The following GPC5 variants were observed in gnomAD, a reference collection of about 807,000 sequenced individuals.
GPC5 encodes glypican-5.
A neutral mutation model predicts 53.9 loss-of-function variants in GPC5; 47 were observed. The observed-to-expected ratio is 0.87, with a 90% CI of 0.69 to 1.11. GPC5 has a LOEUF of 1.11. Ranked by LOEUF, GPC5 falls within the 50% of genes most tolerant of loss-of-function variation. GPC5 has a pLI of 0.00. For synonymous variants in GPC5, 286 were observed against 263.3 expected, an observed-to-expected ratio of 1.09 and a Z score of -0.84; for missense variants, 748 against 713.1, an observed-to-expected ratio of 1.05 and a Z score of -0.56.
chr13:91,899,722 C>T (rs760316260), intron 5 of GPC5, among the ~76,000 whole-genome samples: 14 of 152,044 alleles, frequency 9.2e-5, no homozygotes, highest in East Asian at 1.9e-4. Flanking sequence ...AAGACACACA[C>T]GGAGAAGGTC....
chr13:91,768,661 A>G (rs1343178450), intron 5 of GPC5, among the ~76,000 whole-genome samples: 1 of 152,222 alleles, frequency 6.6e-6, no homozygotes. Context: ...AGACCTTTTT[A>G]GTTATATTAG....
intron 7 of GPC5, among the ~76,000 whole-genome samples, chr13:92,210,668 A>C (rs1441403158): frequency 6.6e-6 from 1 of 152,214 alleles, no homozygotes; most frequent in Non-Finnish European, 1.5e-5. Flanking sequence ...TGGAGTATAG[A>C]TGAGTTAAAA....
At chr13:91,848,323 T>A (rs2038874997) in intron 5 of GPC5, among the ~76,000 whole-genome samples, 1 of 152,232 alleles carries the variant, frequency 6.6e-6, no homozygotes, top group African/African-American at 2.4e-5. Flanking sequence ...TTGTTTGAAG[T>A]AATATTTATT....
At chr13:92,862,548 T>TAG (rs1879214052) in intron 7 of GPC5, among the ~76,000 whole-genome samples, 1 of 151,992 alleles carries the variant, frequency 6.6e-6, no homozygotes, top group South Asian at 2.1e-4. Flanking sequence ...TATAGATAGA[T>TAG]ATATAGATAT....
chr13:92,134,069 T>C (rs1413137053), intron 6 of GPC5, among the ~76,000 whole-genome samples: 3 of 152,118 alleles, frequency 2.0e-5, no homozygotes, highest in African/African-American at 7.2e-5. Context: ...TTCACTTCTG[T>C]AGAGTGTGGT....
rs188763893 is a variant in GPC5 at position 91,821,697 on chromosome 13, G to A, written c.1280+65277G>A. Reference sequence around the variant, plus strand: ...TTCTCAATCTATTGGAAGACGTAATGTGATTTCTTCTAATCTATTCATATG... The same window carrying A: ...TTCTCAATCTATTGGAAGACGTAATATGATTTCTTCTAATCTATTCATATG... On this transcript the variant is annotated intron_variant, in intron 5 of 7. Transcript: ENST00000377067. 9.2e-5 allele frequency among the ~76,000 whole-genome samples: 14 copies of A among 152,198 alleles called. No homozygotes were observed. The East Asian group carries it at 2.3e-3, about 25-fold the overall frequency.
At chr13:91,754,374 T>C (rs569859770) in intron 4 of GPC5, among the ~76,000 whole-genome samples, 9 of 152,146 alleles carry the variant, frequency 5.9e-5, no homozygotes, top group Non-Finnish European at 8.8e-5. Context: ...ACTAAGGCAA[T>C]GGCAGTATAG....
intron 2 of GPC5, among the ~76,000 whole-genome samples, chr13:91,659,385 C>T (rs562582363): frequency 4.3e-4 from 66 of 152,118 alleles, no homozygotes; most frequent in African/African-American, 1.5e-3. Context: ...GCTTGTGGGC[C>T]CTGTATGTTA....
intron 6 of GPC5, among the ~76,000 whole-genome samples, chr13:91,974,296 G>C (rs952596449): frequency 6.6e-6 from 1 of 152,180 alleles, no homozygotes; most frequent in Admixed American, 6.5e-5. Context: ...ATGAAATAAA[G>C]GGTATTCAAT....
chr13:92,697,924 T>G (rs9561114), intron 7 of GPC5, among the ~76,000 whole-genome samples: 55,660 of 151,998 alleles, frequency 0.37, 11,697 homozygotes, highest in East Asian at 0.75. Context: ...GAATTTTGTC[T>G]AAGGCCTTTA....
rs554121571 is a variant in GPC5 at position 92,410,385 on chromosome 13, A to C, written c.1561+265396A>C. 3.9e-5 allele frequency among the ~76,000 whole-genome samples: 6 copies of C among 152,318 alleles called. No individual in the cohort carries two copies. The South Asian group carries it at 6.2e-4, about 16-fold the overall frequency. ...CATGCATTACTTCAATCTGTTGCCT[A>C]ACCTACAGGTGCCATTTACTAGGCA... On this transcript the variant is annotated intron_variant, in intron 7 of 7. Coordinates refer to ENST00000377067, the MANE Select transcript of GPC5 (RefSeq NM_004466.6).
At position 91,693,262 on chromosome 13, in the gene GPC5, C is replaced by T. The variant is rs2035796359; in HGVS notation, c.401C>T (p.Ala134Val). 3 of 1,613,920 alleles carry T rather than the reference C, an allele frequency of 1.9e-6. No individual in the cohort carries two copies. The highest frequency in any genetic ancestry group is 1.7e-5 in the Admixed American group (1 of 59,988). Residue 134 changes from alanine (A) to valine (V), a missense_variant, in exon 3 of 8, where the codon GCC becomes GTC. Transcript: ENST00000377067. ...TTTTGCAGTACCTACAGGAACATGGCCTTGGAGGCTGCTGCTTCGGTTCAG... is the reference window on the plus strand; with the variant it reads ...TTTTGCAGTACCTACAGGAACATGGTCTTGGAGGCTGCTGCTTCGGTTCAG... ...ILFCSTYRNM[A>V]LEAAASVQEF...
At chr13:92,015,687 T>A (rs966777986) in intron 6 of GPC5, among the ~76,000 whole-genome samples, 2 of 152,210 alleles carry the variant, frequency 1.3e-5, no homozygotes, top group Admixed American at 6.6e-5. Flanking sequence ...GTAGGTGGAA[T>A]AACTTTTTCA....
chr13:92,223,657 A>T (rs1288124465), intron 7 of GPC5, among the ~76,000 whole-genome samples: 1 of 152,048 alleles, frequency 6.6e-6, no homozygotes, highest in Non-Finnish European at 1.5e-5. Flanking sequence ...TTCACTTAGT[A>T]TAATTATGAC....
At chr13:92,378,552 C>T (rs904674654) in intron 7 of GPC5, among the ~76,000 whole-genome samples, 2 of 152,068 alleles carry the variant, frequency 1.3e-5, no homozygotes, top group African/African-American at 2.4e-5. Flanking sequence ...ATCAGAATAG[C>T]GTGGACTTTG....
At chr13:92,385,451 T>C (rs1277381961) in intron 7 of GPC5, among the ~76,000 whole-genome samples, 3 of 128,272 alleles carry the variant, frequency 2.3e-5, no homozygotes, top group African/African-American at 9.6e-5. Context: ...TATACATATA[T>C]ACATATATAC....
At chr13:92,740,997 G>A (rs1172906212) in intron 7 of GPC5, among the ~76,000 whole-genome samples, 1 of 124,406 alleles carries the variant, frequency 8.0e-6, no homozygotes, top group Admixed American at 8.0e-5. Context: ...GATCTTCAAA[G>A]ATAAAGGTCT....
chr13:92,179,955 G>T (rs1184782019), intron 7 of GPC5, among the ~76,000 whole-genome samples: 1 of 152,148 alleles, frequency 6.6e-6, no homozygotes, highest in Non-Finnish European at 1.5e-5. Context: ...ATTTACTACG[G>T]TTTTTACTGT....
intron 1 of GPC5, among the ~76,000 whole-genome samples, chr13:91,407,010 G>A (rs1402130677): frequency 6.6e-6 from 1 of 152,204 alleles, no homozygotes; most frequent in African/African-American, 2.4e-5. Flanking sequence ...CTATTTGAGA[G>A]CAGGATCTGT....
Sources: allele counts gnomAD v4.1 joint callset (sites outside exome capture counted in the v4.1 genomes callset), GRCh38; gene constraint gnomAD v4.1.1; transcripts MANE v1.5; gene names NCBI Gene and HGNC (gene_info 2026-07-23, HGNC 2026-07-21).